VPS35L: variants seen among roughly 807,000 people sequenced by gnomAD.
The protein encoded by VPS35L is VPS35 endosomal protein-sorting factor-like.
Under a neutral mutation model 133.0 loss-of-function variants are expected in VPS35L, and 83 were observed. The ratio of observed to expected loss-of-function variants is 0.62; its 90% CI spans 0.52 to 0.75. VPS35L has a LOEUF of 0.75. Among genes scored for constraint, VPS35L ranks in the 30% least tolerant of loss-of-function variants. The pLI is 0.00. For missense variants in VPS35L, 1,083 were observed against 1,206.8 expected (o/e 0.90, Z 1.52); for synonymous variants, 423 against 449.9 (o/e 0.94, Z 0.76).
chr16:19,602,503 C>CCCTCTCTCTCCT (rs1164677129), intron 9 of VPS35L, among the ~76,000 whole-genome samples: 124 of 152,086 alleles, frequency 8.2e-4, no homozygotes, highest in Non-Finnish European at 4.4e-5. Context: ...CTTTATTCCT[C>CCCTCTCTCTCCT]CCTCTCTCTC....
intron 29 of VPS35L, among the ~76,000 whole-genome samples, chr16:19,697,173 G>C (rs1319585683): frequency 6.6e-6 from 1 of 152,212 alleles, no homozygotes; most frequent in African/African-American, 2.4e-5. Context: ...AGCACAACCT[G>C]CTCCCTGATG....
chr16:19,583,215 C>G (rs1971763664), intron 7 of VPS35L, among the ~76,000 whole-genome samples: 1 of 152,006 alleles, frequency 6.6e-6, no homozygotes. Context: ...TTTTATACCT[C>G]CCCAGATTCC....
intron 14 of VPS35L, among the ~76,000 whole-genome samples, chr16:19,619,834 T>C (rs191364634): frequency 4.6e-5 from 7 of 152,282 alleles, no homozygotes; most frequent in African/African-American, 1.4e-4. Context: ...GATGTCGGTA[T>C]GGAAGGTGGT....
rs1597395083 is a variant in VPS35L at position 19,650,474 on chromosome 16, T to C, written c.2106+15T>C. The C allele has an allele frequency of 2.5e-6, 4 of 1,605,366 alleles. No homozygotes were observed. The South Asian group carries it at 4.4e-5, about 18-fold the overall frequency. On this transcript the variant is annotated intron_variant, in intron 25 of 30. Transcript: ENST00000417362. ...CATTTGTCCGGGTATGTTCTTAAGA[T>C]AAGGACTGTTGGACCTCGAACTCCA... is the stretch of plus-strand genomic sequence containing the variant.
intron 28 of VPS35L, among the ~76,000 whole-genome samples, chr16:19,689,389 G>C (rs1405934177): frequency 6.6e-6 from 1 of 151,494 alleles, no homozygotes; most frequent in Non-Finnish European, 1.5e-5. Flanking sequence ...TCCTGCCTTA[G>C]CCTCCCAAGT....
chr16:19,638,972 G>A (rs1220930652), intron 20 of VPS35L, among the ~76,000 whole-genome samples: 1 of 152,126 alleles, frequency 6.6e-6, no homozygotes, highest in Non-Finnish European at 1.5e-5. Flanking sequence ...CAGGTGTGGT[G>A]GTGCATGCCT....
intron 27 of VPS35L, among the ~76,000 whole-genome samples, chr16:19,674,891 T>C (rs147403313): frequency 2.0e-3 from 312 of 152,344 alleles, no homozygotes; most frequent in African/African-American, 7.0e-3. Context: ...CAGAATTTCC[T>C]TCTTTTTTAA....
chr16:19,651,935 C>T lies in VPS35L; in HGVS notation c.2107-41C>T, dbSNP rs781197551. 3.3e-5 allele frequency: 46 copies of T among 1,382,108 alleles called. 1 individual carries two copies. The South Asian group carries it at 5.1e-4, about 15-fold the overall frequency. The allele number at this position is 1,382,108 out of a possible 1,614,324, so 85.6% of individuals were successfully genotyped here. Reference sequence around the variant, plus strand: ...TGAAAACAGGAGTATGATTCTGCCACCGTTGCACTGCTAGCGTTAATGTTT... The same window carrying T: ...TGAAAACAGGAGTATGATTCTGCCATCGTTGCACTGCTAGCGTTAATGTTT... On this transcript the variant is annotated intron_variant, in intron 25 of 30. Coordinates refer to ENST00000417362, the MANE Select transcript of VPS35L (RefSeq NM_020314.7).
At chr16:19,578,027 A>C (rs1195307070) in intron 5 of VPS35L, among the ~76,000 whole-genome samples, 1 of 152,228 alleles carries the variant, frequency 6.6e-6, no homozygotes, top group Admixed American at 6.5e-5. Flanking sequence ...TTCCACTACT[A>C]GGGGTATCCC....
chr16:19,638,731 A>G (rs759391720), intron 20 of VPS35L, among the ~76,000 whole-genome samples: 2 of 152,210 alleles, frequency 1.3e-5, no homozygotes, highest in African/African-American at 2.4e-5. Context: ...GACGCTAGAC[A>G]AAGGGATGAC....
chr16:19,556,060 G>C (rs146457000), intron 1 of VPS35L, among the ~76,000 whole-genome samples: 59 of 152,320 alleles, frequency 3.9e-4, no homozygotes, highest in African/African-American at 1.3e-3. Context: ...CGCGGGTTCT[G>C]GGGTCGCTGG....
intron 6 of VPS35L, among the ~76,000 whole-genome samples, chr16:19,580,372 A>G (rs1971672125): frequency 6.6e-6 from 1 of 151,932 alleles, no homozygotes; most frequent in Non-Finnish European, 1.5e-5. Context: ...TCAGCCTCCC[A>G]ATATGCTGGG....
chr16:19,699,556 C>A lies in VPS35L; in HGVS notation c.2701C>A (p.His901Asn), dbSNP rs1222896247. Reference protein sequence around the residue: ...GLSFFNSILAHGDLRNNKLNQ... With the variant: ...GLSFFNSILANGDLRNNKLNQ... ...TTCCTTCTTTAACAGCATCTTGGCC[C>A]ATGGGGACCTACGCAACAACAAGCT... is the stretch of plus-strand genomic sequence containing the variant. The change falls in exon 30 of 31, where the codon CAT (histidine) becomes AAT (asparagine). Residue 901 changes from histidine (H) to asparagine (N), a missense_variant. Coordinates refer to ENST00000417362, the MANE Select transcript of VPS35L (RefSeq NM_020314.7). The surrounding 1 kb of genome is among the most constrained non-coding windows in gnomAD (Gnocchi z 4.2). 6.2e-7 allele frequency: 1 copy of A among 1,614,212 alleles called. No homozygotes were observed. Among genetic ancestry groups the A allele is most frequent in the South Asian group, 1.1e-5 (1 of 91,090 alleles).
At chr16:19,585,640 A>G (rs1426665956) in intron 7 of VPS35L, among the ~76,000 whole-genome samples, 2 of 151,992 alleles carry the variant, frequency 1.3e-5, no homozygotes, top group Non-Finnish European at 1.5e-5. Flanking sequence ...CCTGGCTTCA[A>G]GTGATCTTCC....
At chr16:19,587,252 G>A (rs550649732) in intron 7 of VPS35L, 45 of 416,034 alleles carry the variant, frequency 1.1e-4, no homozygotes, top group South Asian at 5.3e-4. Context: ...ATTACAATTC[G>A]ACATGAGATT....
chr16:19,555,840 G>A, intron 1 of VPS35L, 94 bp downstream of exon 1: 1 of 1,480,962 alleles, frequency 6.8e-7, no homozygotes. Flanking sequence ...CCTCTCTGTC[G>A]GGTTCTGGTG....
rs1296095385 is a variant in VPS35L at position 19,650,462 on chromosome 16, A to G, written c.2106+3A>G. ...GAAAGACAGCTGCATTTGTCCGGGT[A>G]TGTTCTTAAGATAAGGACTGTTGGA... On this transcript the variant is annotated splice_donor_region_variant and intron_variant, in intron 25 of 30. Transcript: ENST00000417362. 16 of 1,612,300 alleles carry G rather than the reference A, an allele frequency of 9.9e-6. No individual in the cohort carries two copies. Among genetic ancestry groups the G allele is most frequent in the Non-Finnish European group, 1.4e-5 (16 of 1,178,356 alleles).
chr16:19,692,473 A>G (rs543786322), intron 29 of VPS35L, among the ~76,000 whole-genome samples: 1 of 152,158 alleles, frequency 6.6e-6, no homozygotes, highest in Non-Finnish European at 1.5e-5. Flanking sequence ...CTGTGATGAA[A>G]CAGCAGAGAT....
At chr16:19,618,774 C>T (rs1462440995) in intron 14 of VPS35L, among the ~76,000 whole-genome samples, 2 of 152,116 alleles carry the variant, frequency 1.3e-5, no homozygotes, top group African/African-American at 4.8e-5. Flanking sequence ...GTCACTGTAT[C>T]TACGGTGCTT....
Sources: gnomAD v4.1 joint callset for allele counts (sites outside exome capture counted in the v4.1 genomes callset) on GRCh38, gnomAD v4.1.1 for gene constraint, Gnocchi (gnomAD v3.1) non-coding constraint, MANE v1.5 for transcripts, NCBI Gene and HGNC (gene_info 2026-07-23, HGNC 2026-07-21) for gene names.